Variants in LTBP4 observed in about 807,000 individuals in gnomAD.
LTBP4 encodes the protein latent transforming growth factor beta binding protein 4.
LTBP4 carries 93 observed loss-of-function variants against 180.2 expected under a neutral mutation model. That is an observed-to-expected ratio of 0.52 (90% confidence interval 0.44 to 0.61). The LOEUF is 0.61. Among genes scored for constraint, LTBP4 ranks in the 20% least tolerant of loss-of-function variants. The pLI, the probability that LTBP4 is intolerant of heterozygous loss-of-function variation, is 0.00. For missense variants in LTBP4, 2,116 were observed against 2,256.5 expected, an observed-to-expected ratio of 0.94 and a Z score of 1.26; for synonymous variants, 947 against 934.5, an observed-to-expected ratio of 1.01 and a Z score of -0.24.
intron 11 of LTBP4, chr19:40,610,207 G>C: frequency 2.1e-6 from 1 of 485,242 alleles, no homozygotes; most frequent in Non-Finnish European, 3.6e-6. Context: ...CTGCAACTGC[G>C]GCAACCAATC....
In LTBP4 at chr19:40,622,008, T is replaced by G. The variant is rs2081589322; in HGVS notation, c.3218-393T>G. On this transcript the variant is annotated intron_variant, in intron 22 of 29. Transcript: ENST00000396819. This position sits in a 1 kb window ranked among gnomAD's most constrained non-coding sequence, Gnocchi z 5.1. The stretch of plus-strand genomic sequence containing the variant: ...AAGTAATCCAACCGCGTCGGCCTCC[T>G]GAAGTGCTGGGAGGACAGGCAGGAG... Among the ~76,000 whole-genome samples the G allele has an allele frequency of 1.3e-5, 2 of 152,058 alleles. No individual in the cohort carries two copies. Among genetic ancestry groups the G allele is most frequent in the African/African-American group, 4.8e-5 (2 of 41,406 alleles).
chr19:40,627,827 C>T lies in LTBP4; in HGVS notation c.4489C>T (p.Arg1497Cys), dbSNP rs866266031. 3 of 1,570,180 alleles carry T rather than the reference C, an allele frequency of 1.9e-6. No homozygotes were observed. The highest frequency in any genetic ancestry group is 1.7e-6 in the Non-Finnish European group (2 of 1,163,788). Residue 1497 changes from arginine (R) to cysteine (C), a missense_variant, in exon 29 of 30, where the codon CGC becomes TGC. This residue lies in a region of LTBP4 where 488 missense variants were observed against 458.8 expected (regional missense o/e 1.06). Transcript: ENST00000396819. ...CACCTGCCGTTGCTTCGACGGCTAC[C>T]GCCTGGACATGACCCGCATGGCCTG... ...GFTCRCFDGY[R>C]LDMTRMACVD...
intron 21 of LTBP4, among the ~76,000 whole-genome samples, chr19:40,617,991 C>G (rs973445623): frequency 1.3e-5 from 2 of 151,990 alleles, no homozygotes; most frequent in South Asian, 4.1e-4. Flanking sequence ...GTCTGCTTCC[C>G]CATAAATTCT....
At position 40,605,022 on chromosome 19, in the gene LTBP4, G is replaced by A. The variant is rs950546751; in HGVS notation, c.251-13G>A. On this transcript the variant is annotated splice_polypyrimidine_tract_variant and intron_variant, in intron 1 of 29. Coordinates refer to ENST00000396819, the MANE Select transcript of LTBP4 (RefSeq NM_001042545.2). This position sits in a 1 kb window ranked among gnomAD's most constrained non-coding sequence, Gnocchi z 5.5. ...AATGGTGGCGCCCCTGAGTGTCCTC[G>A]TTCTCCTCCCAGTCCTGTGTCCCTT... 1.3e-6 allele frequency: 2 copies of A among 1,599,434 alleles called. No homozygotes were observed. The highest frequency in any genetic ancestry group is 1.7e-5 in the Admixed American group (1 of 58,908).
chr19:40,621,716 G>T (rs1204513867), intron 22 of LTBP4, among the ~76,000 whole-genome samples: 1 of 152,124 alleles, frequency 6.6e-6, no homozygotes, highest in Non-Finnish European at 1.5e-5. Flanking sequence ...GGATGTCTGG[G>T]TGGGGAAGCT....
chr19:40,601,885 G>C (rs1599858675), intron 1 of LTBP4, among the ~76,000 whole-genome samples: 4 of 152,140 alleles, frequency 2.6e-5, no homozygotes, highest in South Asian at 2.1e-4. Context: ...GGGAATTGGC[G>C]CCAGCTTTCA....
intron 19 of LTBP4, among the ~76,000 whole-genome samples, chr19:40,616,492 G>T (rs1313131510): frequency 1.3e-5 from 2 of 151,850 alleles, no homozygotes; most frequent in African/African-American, 2.4e-5. Context: ...TAGGACTTGA[G>T]GAGGCCGAGG....
Position 40,611,959 on chromosome 19 carries a change from C to A in LTBP4, c.2154C>A (p.Pro718=). The A allele has an allele frequency of 6.2e-7, 1 of 1,611,760 alleles. No homozygotes were observed. The highest frequency in any genetic ancestry group is 8.5e-7 in the Non-Finnish European group (1 of 1,178,892). Residue 718 remains proline (P), a synonymous_variant, in exon 14 of 30, where the codon CCC becomes CCA. Transcript: ENST00000396819. This position sits in a 1 kb window ranked among gnomAD's most constrained non-coding sequence, Gnocchi z 4.4. Reference sequence around the variant, plus strand: ...GTGTCTGCCCCATGGGCTTCCAACCCAACACTGCTGGCTCCGAGTGCGAGG... The same window carrying A: ...GTGTCTGCCCCATGGGCTTCCAACCAAACACTGCTGGCTCCGAGTGCGAGG... ...FQCVCPMGFQ[P]NTAGSECEDV... is the part of the protein sequence containing the mutation.
At chr19:40,617,347 A>G in intron 21 of LTBP4, 122 bp downstream of exon 21, 1 of 1,335,440 alleles carries the variant, frequency 7.5e-7, no homozygotes. Flanking sequence ...ACTTTGGAAT[A>G]TAAGATCATC....
chr19:40,624,684 C>G (rs540885024), intron 26 of LTBP4, among the ~76,000 whole-genome samples: 1 of 152,144 alleles, frequency 6.6e-6, no homozygotes, highest in Non-Finnish European at 1.5e-5. Flanking sequence ...CAGGTGTGAG[C>G]CACCACACCT....
At chr19:40,614,934 C>A (rs1282659281) in intron 19 of LTBP4, among the ~76,000 whole-genome samples, 1 of 152,186 alleles carries the variant, frequency 6.6e-6, no homozygotes, top group African/African-American at 2.4e-5. Context: ...ATTCTCCTAG[C>A]ATTGGCCCCC....
At chr19:40,595,697 C>T (rs959414020) in intron 1 of LTBP4, among the ~76,000 whole-genome samples, 3 of 151,814 alleles carry the variant, frequency 2.0e-5, no homozygotes, top group African/African-American at 7.3e-5. Flanking sequence ...AGGAAGGGAT[C>T]GGTACTCTCT....
chr19:40,614,113 C>G, intron 18 of LTBP4, 75 bp downstream of exon 18: 1 of 1,581,002 alleles, frequency 6.3e-7, no homozygotes, highest in Non-Finnish European at 8.6e-7. Flanking sequence ...CCACCTCTGT[C>G]TTTCCTCCTC....
intron 14 of LTBP4, 33 bp downstream of exon 14, chr19:40,612,017 G>A (rs774566742): frequency 6.2e-7 from 1 of 1,612,470 alleles, no homozygotes; most frequent in Non-Finnish European, 8.5e-7. Context: ...GAGTGTGGAT[G>A]GGTGAGGGGG....
At chr19:40,620,579 C>G (rs904003022) in intron 22 of LTBP4, among the ~76,000 whole-genome samples, 44 of 151,838 alleles carry the variant, frequency 2.9e-4, no homozygotes, top group African/African-American at 1.0e-3. Context: ...AGTTCGAGAC[C>G]AGCATGGCCA....
In LTBP4 at chr19:40,625,291, TATATATATATATATATATATATATA is replaced by T. The variant is rs1568414485; in HGVS notation, c.3833-565_3833-541del. Among the ~76,000 whole-genome samples, 32 of 11,430 alleles carry T rather than the reference TATATATATATATATATATATATATA, an allele frequency of 2.8e-3. 5 individuals carry two copies. The highest frequency in any genetic ancestry group is 7.4e-3 in the East Asian group (5 of 674). The allele number at this position is 11,430 out of a possible 152,430, so 7.5% of individuals were successfully genotyped here. A position where few individuals can be genotyped will look rare whatever the true frequency, so the allele number is the denominator to read the frequency against. On this transcript the variant is annotated intron_variant, in intron 26 of 29. Transcript: ENST00000396819. Reference sequence around the variant, plus strand: ...ATATATATATATATATATATATATATATATATATATATATATATATATATATTTTTTTTTTTAAAGATGGGTTTTT... The same window carrying T: ...ATATATATATATATATATATATATATTTTTTTTTTTTAAAGATGGGTTTTT...
chr19:40,614,291 C>G (rs1386155930), intron 18 of LTBP4, 24 bp from the exon 19 acceptor site: 26 of 1,590,124 alleles, frequency 1.6e-5, no homozygotes, highest in East Asian at 2.2e-5. Flanking sequence ...TTCCCACATC[C>G]GACCACCCGA....
At position 40,606,532 on chromosome 19, in the gene LTBP4, C is replaced by A. The variant is rs538708092; in HGVS notation, c.991+6C>A. The A allele has an allele frequency of 8.3e-6, 13 of 1,561,788 alleles. No homozygotes were observed. The Admixed American group carries it at 2.3e-4, about 27-fold the overall frequency. On this transcript the variant is annotated splice_donor_region_variant and intron_variant, in intron 6 of 29. Coordinates refer to ENST00000396819, the MANE Select transcript of LTBP4 (RefSeq NM_001042545.2). ...GTCCCGCAGCAGCTGCATCTGTGAG[C>A]AACCAGCAGGGAGCTGAGGCTGGGT... is the stretch of plus-strand genomic sequence containing the variant.
In LTBP4 at chr19:40,627,807, G is replaced by A; in HGVS notation, c.4469G>A (p.Cys1490Tyr). Reference sequence around the variant, plus strand: ...GTGCGCGTCCCCGAAGGCTTCACCTGCCGTTGCTTCGACGGCTACCGCCTG... The same window carrying A: ...GTGCGCGTCCCCGAAGGCTTCACCTACCGTTGCTTCGACGGCTACCGCCTG... ...RCVRVPEGFT[C>Y]RCFDGYRLDM... is the part of the protein sequence containing the mutation. Residue 1490 changes from cysteine to tyrosine, a missense_variant, in exon 29 of 30, where the codon TGC (cysteine) becomes TAC (tyrosine). Physicochemically the swap from Cys to Tyr is radical, Grantham distance 194. Transcript: ENST00000396819. 1 of 1,572,924 alleles carries A rather than the reference G, an allele frequency of 6.4e-7. No homozygotes were observed. The highest frequency in any genetic ancestry group is 8.6e-7 in the Non-Finnish European group (1 of 1,164,054).
Sources: gnomAD v4.1 joint callset for allele counts (sites outside exome capture counted in the v4.1 genomes callset) on GRCh38, gnomAD v4.1.1 for gene constraint, gnomAD v4.1.1 regional missense constraint, Gnocchi (gnomAD v3.1) non-coding constraint, MANE v1.5 for transcripts, NCBI Gene and HGNC (gene_info 2026-07-23, HGNC 2026-07-21) for gene names.